The following ATOH1 variants were observed in gnomAD, a reference collection of about 807,000 sequenced individuals.
ATOH1 encodes atonal bHLH transcription factor 1, also known as transcription factor ATOH1.
Under a neutral mutation model 20.7 loss-of-function variants are expected in ATOH1, and 9 were observed. The observed-to-expected ratio is 0.44, with a 90% CI of 0.26 to 0.76. The LOEUF is 0.76. Ranked by LOEUF, ATOH1 falls within the 30% of genes least tolerant of loss-of-function variation. The probability of loss-of-function intolerance (pLI) is 0.20; values close to 1 mark genes in which losing one functional copy is unlikely to be tolerated. For missense variants in ATOH1, 516 were observed against 479.3 expected (o/e 1.08, Z -0.71); for synonymous variants, 247 against 214.3 (o/e 1.15, Z -1.33).
In ATOH1 at chr4:93,828,938, G is replaced by A; in HGVS notation, c.12G>A (p.Leu4=). 1.3e-6 allele frequency: 2 copies of A among 1,597,898 alleles called. No individual in the cohort carries two copies. Among genetic ancestry groups the A allele is most frequent in the Middle Eastern group, 1.7e-4 (1 of 5,914 alleles). Residue 4 remains leucine, a synonymous_variant, in exon 1 of 1, where the codon CTG becomes CTA. Coordinates refer to ENST00000306011, the MANE Select transcript of ATOH1 (RefSeq NM_005172.2). ...GCCTTTGCAGTGCAATGTCCCGCCT[G>A]CTGCATGCAGAAGAGTGGGCTGAAG... MSR[L]LHAEEWAEVK... is the part of the protein sequence containing the mutation.
Position 93,828,865 on chromosome 4 carries a change from T to A in ATOH1, c.-62T>A. ...GAAGAGACCCGGAAAGGGCCTTTTT[T>A]TTGGTTGAGCTGGTGTCCCAGTGCT... is the stretch of plus-strand genomic sequence containing the variant. On this transcript the variant is annotated 5_prime_UTR_variant, in exon 1 of 1. Transcript: ENST00000306011. 1.3e-6 allele frequency: 2 copies of A among 1,488,956 alleles called. No homozygotes were observed. Among genetic ancestry groups the A allele is most frequent in the Non-Finnish European group, 1.8e-6 (2 of 1,118,974 alleles). The allele number at this position is 1,488,956 out of a possible 1,614,324, so 92.2% of individuals were successfully genotyped here. A position where few individuals can be genotyped will look rare whatever the true frequency, so the allele number is the denominator to read the frequency against.
chr4:93,829,123 C>T lies in ATOH1; in HGVS notation c.197C>T (p.Ala66Val), dbSNP rs1294583908. The T allele has an allele frequency of 2.5e-6, 4 of 1,608,224 alleles. No individual in the cohort carries two copies. Among genetic ancestry groups the T allele is most frequent in the East Asian group, 2.2e-5 (1 of 44,734 alleles). ...AGCACCGACCCACGCGCCTGGCTGG[C>T]TCCCACTTTGCAGGGCATCTGCACG... ...LDSTDPRAWL[A>V]PTLQGICTAR... Residue 66 changes from alanine (A) to valine (V), a missense_variant, in exon 1 of 1, where the codon GCT becomes GTT. Physicochemically the swap from Ala to Val is moderately conservative, Grantham distance 64. Coordinates refer to ENST00000306011, the MANE Select transcript of ATOH1 (RefSeq NM_005172.2). The surrounding 1 kb of genome is among the most constrained non-coding windows in gnomAD (Gnocchi z 4.5).
In ATOH1 at chr4:93,829,411, T is replaced by A. The variant is rs778722533; in HGVS notation, c.485T>A (p.Leu162Gln). The A allele has an allele frequency of 1.4e-5, 22 of 1,614,192 alleles. No individual in the cohort carries two copies. The highest frequency in any genetic ancestry group is 1.9e-5 in the Non-Finnish European group (22 of 1,180,026). ...AATGGGGTGCAGAAGCAGAGACGGC[T>A]AGCAGCCAACGCCAGGGAGCGGCGC... ...QVNGVQKQRR[L>Q]AANARERRRM... is the part of the protein sequence containing the mutation. The change falls in exon 1 of 1, where the codon CTA becomes CAA. Residue 162 changes from leucine (L) to glutamine (Q), a missense_variant. Physicochemically the swap from Leu to Gln is moderately radical, Grantham distance 113 (BLOSUM62 -2). Transcript: ENST00000306011. The surrounding 1 kb of genome is among the most constrained non-coding windows in gnomAD (Gnocchi z 4.5).
Position 93,830,902 on chromosome 4 carries a change from C to T in ATOH1, c.*911C>T, listed in dbSNP as rs1322206861. ...TCGAGATCATTTTATTTTAATTTAG[C>T]AAAGCCAACTGCCCTTGTTTAATGT... is the stretch of plus-strand genomic sequence containing the variant. On this transcript the variant is annotated 3_prime_UTR_variant, in exon 1 of 1. Transcript: ENST00000306011. 6.0e-6 allele frequency: 1 copy of T among 166,882 alleles called. No individual in the cohort carries two copies. Among genetic ancestry groups the T allele is most frequent in the Non-Finnish European group, 1.5e-5 (1 of 68,094 alleles). The allele number at this position is 166,882 out of a possible 1,614,324, so 10.3% of individuals were successfully genotyped here. A position where few individuals can be genotyped will look rare whatever the true frequency, so the allele number is the denominator to read the frequency against.
chr4:93,829,863 CCTT>C lies in ATOH1; in HGVS notation c.940_942del (p.Ser314del), dbSNP rs374364595. On this transcript the variant is annotated inframe_deletion, in exon 1 of 1. Coordinates refer to ENST00000306011, the MANE Select transcript of ATOH1 (RefSeq NM_005172.2). This position sits in a 1 kb window ranked among gnomAD's most constrained non-coding sequence, Gnocchi z 4.5. ...GATGATGGCGCAAAAGAATTTGTCT[CCTT>C]CTCTCCCCGGGAGCATCTTGCAGCC... 6.2e-6 allele frequency: 10 copies of C among 1,614,110 alleles called. No homozygotes were observed. The highest frequency in any genetic ancestry group is 1.3e-5 in the African/African-American group (1 of 75,064).
At position 93,829,777 on chromosome 4, in the gene ATOH1, G is replaced by T. The variant is rs753590807; in HGVS notation, c.851G>T (p.Gly284Val). The change falls in exon 1 of 1, where the codon GGG becomes GTG. Residue 284 changes from glycine (G) to valine (V), a missense_variant. Gly to Val is a moderately radical substitution (Grantham distance 109, BLOSUM62 -3). Transcript: ENST00000306011. This position sits in a 1 kb window ranked among gnomAD's most constrained non-coding sequence, Gnocchi z 4.5. ...TTCTCAGCCCCAGCTTCTGCGGGAG[G>T]GTACTCGGTGCAGCTGGACGCTCTG... ...TRFSAPASAG[G>V]YSVQLDALHF... 4.4e-6 allele frequency: 7 copies of T among 1,607,726 alleles called. No homozygotes were observed. The highest frequency in any genetic ancestry group is 5.9e-6 in the Non-Finnish European group (7 of 1,177,176).
At position 93,829,028 on chromosome 4, in the gene ATOH1, G is replaced by T; in HGVS notation, c.102G>T (p.Pro34=). Residue 34 remains proline (P), a synonymous_variant, in exon 1 of 1, where the codon CCG becomes CCT. Transcript: ENST00000306011. The surrounding 1 kb of genome is among the most constrained non-coding windows in gnomAD (Gnocchi z 4.5). Reference sequence around the variant, plus strand: ...ATCATCTCCCGCAACCGCCGCCGCCGCCGCAGCCACCTGCAACTTTGCAGG... The same window carrying T: ...ATCATCTCCCGCAACCGCCGCCGCCTCCGCAGCCACCTGCAACTTTGCAGG... The part of the protein sequence containing the change: ...QPHHLPQPPP[P]PQPPATLQAR... The T allele has an allele frequency of 6.2e-7, 1 of 1,613,790 alleles. No individual in the cohort carries two copies. The highest frequency in any genetic ancestry group is 8.5e-7 in the Non-Finnish European group (1 of 1,179,938).
In ATOH1 at chr4:93,829,315, A is replaced by G. The variant is rs1160640959; in HGVS notation, c.389A>G (p.Lys130Arg). The G allele has an allele frequency of 1.2e-6, 2 of 1,613,694 alleles. No individual in the cohort carries two copies. Among genetic ancestry groups the G allele is most frequent in the African/African-American group, 2.7e-5 (2 of 74,938 alleles). Reference sequence around the variant, plus strand: ...GTGAAAGTGCGGGAACAGCTGTGCAAGCTGAAAGGCGGGGTGGTGGTAGAC... The same window carrying G: ...GTGAAAGTGCGGGAACAGCTGTGCAGGCTGAAAGGCGGGGTGGTGGTAGAC... ...GPVKVREQLC[K>R]LKGGVVVDEL... The change falls in exon 1 of 1, where the codon AAG becomes AGG. Residue 130 changes from lysine to arginine, a missense_variant. By Grantham distance (26) the Lys-to-Arg change is conservative. Transcript: ENST00000306011. The surrounding 1 kb of genome is among the most constrained non-coding windows in gnomAD (Gnocchi z 4.5).
chr4:93,829,730 G>C lies in ATOH1; in HGVS notation c.804G>C (p.Pro268=), dbSNP rs1162728788. ...QASGGSQRPT[P]PGSCRTRFSA... Reference sequence around the variant, plus strand: ...CCGGAGGGAGCCAGCGGCCGACCCCGCCCGGGAGTTGCCGGACTCGCTTCT... The same window carrying C: ...CCGGAGGGAGCCAGCGGCCGACCCCCCCCGGGAGTTGCCGGACTCGCTTCT... The change falls in exon 1 of 1, where the codon CCG becomes CCC. Residue 268 remains proline (P), a synonymous_variant. Coordinates refer to ENST00000306011, the MANE Select transcript of ATOH1 (RefSeq NM_005172.2). The surrounding 1 kb of genome is among the most constrained non-coding windows in gnomAD (Gnocchi z 4.5). The C allele has an allele frequency of 1.5e-5, 23 of 1,576,560 alleles. No individual in the cohort carries two copies. Among genetic ancestry groups the C allele is most frequent in the African/African-American group, 4.1e-5 (3 of 73,840 alleles).
rs149770942 is a variant in ATOH1, at chr4:93,829,682, C to T, written c.756C>T (p.Thr252=). 236 of 1,570,092 alleles carry T rather than the reference C, an allele frequency of 1.5e-4. No homozygotes were observed. The highest frequency in any genetic ancestry group is 3.3e-4 in the African/African-American group (24 of 73,534). Residue 252 remains threonine (T), a synonymous_variant, in exon 1 of 1, where the codon ACC becomes ACT. Coordinates refer to ENST00000306011, the MANE Select transcript of ATOH1 (RefSeq NM_005172.2). The surrounding 1 kb of genome is among the most constrained non-coding windows in gnomAD (Gnocchi z 4.5). ...ATGAAGGGGGCGCGGGCAACGCGAC[C>T]GCAGCTGGGGCTCAGCAGGCTTCCG... ...ASYEGGAGNA[T]AAGAQQASGG...
Position 93,829,847 on chromosome 4 carries a change from G to C in ATOH1, c.921G>C (p.Ala307=). ...ACAGCGCCCTGACAGCGATGATGGC[G>C]CAAAAGAATTTGTCTCCTTCTCTCC... is the stretch of plus-strand genomic sequence containing the variant. ...FEDSALTAMM[A]QKNLSPSLPG... Residue 307 remains alanine (A), a synonymous_variant, in exon 1 of 1, where the codon GCG becomes GCC. Transcript: ENST00000306011. This position sits in a 1 kb window ranked among gnomAD's most constrained non-coding sequence, Gnocchi z 4.5. The C allele has an allele frequency of 6.2e-7, 1 of 1,614,078 alleles. No individual in the cohort carries two copies.
chr4:93,829,657 A>G lies in ATOH1; in HGVS notation c.731A>G (p.Tyr244Cys), dbSNP rs993647078. The G allele has an allele frequency of 3.8e-6, 6 of 1,585,512 alleles. No homozygotes were observed. Among genetic ancestry groups the G allele is most frequent in the Non-Finnish European group, 5.1e-6 (6 of 1,166,542 alleles). The change falls in exon 1 of 1, where the codon TAT becomes TGT. Residue 244 changes from tyrosine to cysteine, a missense_variant. By Grantham distance (194) the Tyr-to-Cys change is radical (BLOSUM62 -2). Coordinates refer to ENST00000306011, the MANE Select transcript of ATOH1 (RefSeq NM_005172.2). The surrounding 1 kb of genome is among the most constrained non-coding windows in gnomAD (Gnocchi z 4.5). Reference sequence around the variant, plus strand: ...CACCACCTTCGCACCGCGGCCTCCTATGAAGGGGGCGCGGGCAACGCGACC... The same window carrying G: ...CACCACCTTCGCACCGCGGCCTCCTGTGAAGGGGGCGCGGGCAACGCGACC... ...DHHHLRTAAS[Y>C]EGGAGNATAA...
In ATOH1 at chr4:93,830,890, A is replaced by G. The variant is rs1735432752; in HGVS notation, c.*899A>G. On this transcript the variant is annotated 3_prime_UTR_variant, in exon 1 of 1. Transcript: ENST00000306011. ...TACGTTTTCTACTCGAGATCATTTT[A>G]TTTTAATTTAGCAAAGCCAACTGCC... 1 of 167,048 alleles carries G rather than the reference A, an allele frequency of 6.0e-6. No individual in the cohort carries two copies. The highest frequency in any genetic ancestry group is 2.1e-4 in the South Asian group (1 of 4,834). The allele number at this position is 167,048 out of a possible 1,614,324, so 10.3% of individuals were successfully genotyped here.
At position 93,830,767 on chromosome 4, in the gene ATOH1, T is replaced by C. The variant is rs1017767262; in HGVS notation, c.*776T>C. Reference sequence around the variant, plus strand: ...TGAAAAATTAAAAAAAATCTAGTAGTGTCAAACGCATTTGGTCAATTTTAT... The same window carrying C: ...TGAAAAATTAAAAAAAATCTAGTAGCGTCAAACGCATTTGGTCAATTTTAT... On this transcript the variant is annotated 3_prime_UTR_variant, in exon 1 of 1. Transcript: ENST00000306011. 1 of 167,058 alleles carries C rather than the reference T, an allele frequency of 6.0e-6. No homozygotes were observed. The highest frequency in any genetic ancestry group is 1.5e-5 in the Non-Finnish European group (1 of 68,126). 10.3% of individuals were successfully genotyped at this position (167,058 alleles called of 1,614,324 possible).
In ATOH1 at chr4:93,829,184, G is replaced by A; in HGVS notation, c.258G>A (p.Glu86=). 3 of 1,587,844 alleles carry A rather than the reference G, an allele frequency of 1.9e-6. No individual in the cohort carries two copies. Among genetic ancestry groups the A allele is most frequent in the Non-Finnish European group, 2.6e-6 (3 of 1,165,846 alleles). The change falls in exon 1 of 1, where the codon GAG becomes GAA. Residue 86 remains glutamate (E), a synonymous_variant. Coordinates refer to ENST00000306011, the MANE Select transcript of ATOH1 (RefSeq NM_005172.2). This position sits in a 1 kb window ranked among gnomAD's most constrained non-coding sequence, Gnocchi z 4.5. Reference sequence around the variant, plus strand: ...CCCAGTATTTGCTACATTCCCCGGAGCTGGGTGCCTCAGAGGCCGCTGCGC... The same window carrying A: ...CCCAGTATTTGCTACATTCCCCGGAACTGGGTGCCTCAGAGGCCGCTGCGC... The part of the protein sequence containing the change: ...RAAQYLLHSP[E]LGASEAAAPR...
rs770793566 is a variant in ATOH1, at chr4:93,829,948, T to A, written c.1022T>A (p.Phe341Tyr). 2 of 1,611,868 alleles carry A rather than the reference T, an allele frequency of 1.2e-6. No individual in the cohort carries two copies. Among genetic ancestry groups the A allele is most frequent in the African/African-American group, 2.7e-5 (2 of 74,840 alleles). ...CGGTCCCACAGAAGCGACGGGGAAT[T>A]TTCCCCCCATTCCCATTACAGTGAC... ...SPRSHRSDGE[F>Y]SPHSHYSDSD... The change falls in exon 1 of 1, where the codon TTT becomes TAT. Residue 341 changes from phenylalanine to tyrosine, a missense_variant. Phe to Tyr is a conservative substitution (Grantham distance 22). Transcript: ENST00000306011. The surrounding 1 kb of genome is among the most constrained non-coding windows in gnomAD (Gnocchi z 4.5).
Position 93,829,246 on chromosome 4 carries a change from G to A in ATOH1, c.320G>A (p.Arg107Lys), listed in dbSNP as rs1735393464. 1.3e-6 allele frequency: 2 copies of A among 1,595,802 alleles called. No individual in the cohort carries two copies. The highest frequency in any genetic ancestry group is 8.5e-7 in the Non-Finnish European group (1 of 1,170,300). The change falls in exon 1 of 1, where the codon AGG becomes AAG. Residue 107 changes from arginine (R) to lysine (K), a missense_variant. Transcript: ENST00000306011. The surrounding 1 kb of genome is among the most constrained non-coding windows in gnomAD (Gnocchi z 4.5). ...DEVDGRGELV[R>K]RSSGGASSSK... Reference sequence around the variant, plus strand: ...GTGGACGGCCGGGGGGAGCTGGTAAGGAGGAGCAGCGGCGGTGCCAGCAGC... The same window carrying A: ...GTGGACGGCCGGGGGGAGCTGGTAAAGAGGAGCAGCGGCGGTGCCAGCAGC...
chr4:93,830,106 G>T lies in ATOH1; in HGVS notation c.*115G>T. 7.0e-7 allele frequency: 1 copy of T among 1,437,230 alleles called. No individual in the cohort carries two copies. The highest frequency in any genetic ancestry group is 9.1e-7 in the Non-Finnish European group (1 of 1,097,020). 89.0% of individuals were successfully genotyped at this position (1,437,230 alleles called of 1,614,324 possible). On this transcript the variant is annotated 3_prime_UTR_variant, in exon 1 of 1. Transcript: ENST00000306011. ...CTTTAATTTTTGCTCTGCGATGGTC[G>T]TTGTTTAGCAACGACTTGGCTTCAG...
chr4:93,829,717 A>T lies in ATOH1; in HGVS notation c.791A>T (p.Gln264Leu). The T allele has an allele frequency of 6.4e-7, 1 of 1,571,876 alleles. No individual in the cohort carries two copies. The highest frequency in any genetic ancestry group is 8.6e-7 in the Non-Finnish European group (1 of 1,160,698). Residue 264 changes from glutamine (Q) to leucine (L), a missense_variant, in exon 1 of 1, where the codon CAG becomes CTG. Transcript: ENST00000306011. This position sits in a 1 kb window ranked among gnomAD's most constrained non-coding sequence, Gnocchi z 4.5. ...AGAQQASGGSQRPTPPGSCRT... is the reference protein window; with the variant it reads ...AGAQQASGGSLRPTPPGSCRT... ...GCTCAGCAGGCTTCCGGAGGGAGCC[A>T]GCGGCCGACCCCGCCCGGGAGTTGC... is the stretch of plus-strand genomic sequence containing the variant.
Sources: gnomAD v4.1 joint callset for allele counts on GRCh38, gnomAD v4.1.1 for gene constraint, Gnocchi (gnomAD v3.1) non-coding constraint, MANE v1.5 for transcripts, NCBI Gene and HGNC (gene_info 2026-07-23, HGNC 2026-07-21) for gene names.